ACBD3: variants seen among roughly 807,000 people sequenced by gnomAD.
ACBD3 encodes Golgi resident protein GCP60.
Under a neutral mutation model 66.9 loss-of-function variants are expected in ACBD3, and 30 were observed. The observed-to-expected ratio is 0.45, with a 90% CI of 0.34 to 0.61. The LOEUF (loss-of-function observed/expected upper bound fraction) is 0.61, where lower values mean the gene tolerates loss of function less well. Ranked by LOEUF, ACBD3 falls within the 20% of genes least tolerant of loss-of-function variation. The pLI is 0.02. For missense variants in ACBD3, 544 were observed against 664.5 expected, an observed-to-expected ratio of 0.82 and a Z score of 1.99; for synonymous variants, 278 against 259.8, an observed-to-expected ratio of 1.07 and a Z score of -0.68.
chr1:226,182,531 A>G (rs1386489596), intron 1 of ACBD3, among the ~76,000 whole-genome samples: 1 of 152,042 alleles, frequency 6.6e-6, no homozygotes, highest in African/African-American at 2.4e-5. Context: ...GGAGAATCAC[A>G]TGAACCCAGG....
rs369273466 is a variant in ACBD3, at chr1:226,164,924, T to A, written c.434A>T (p.Glu145Val). ...FDVLGNDRRR[E>V]WAALGNMSKE... ...AGACATGTTTCCCAGGGCTGCCCATTCTCTCCTGTAAGGAATAACAAGAAA... is the reference window on the plus strand; with the variant it reads ...AGACATGTTTCCCAGGGCTGCCCATACTCTCCTGTAAGGAATAACAAGAAA... The change falls in exon 3 of 8, where the codon GAA (glutamate) becomes GTA (valine). Residue 145 changes from glutamate (E) to valine (V), a missense_variant. Glu to Val is a moderately radical substitution (Grantham distance 121). Around this residue, in one of 3 missense-constraint regions of ACBD3, gnomAD observed 24 missense variants for 56.2 expected, o/e 0.43. Transcript: ENST00000366812. 3.8e-6 allele frequency: 6 copies of A among 1,582,054 alleles called. No individual in the cohort carries two copies. The African/African-American group carries it at 8.1e-5, about 21-fold the overall frequency.
intron 1 of ACBD3, among the ~76,000 whole-genome samples, chr1:226,179,708 A>C (rs1656127677): frequency 1.3e-5 from 2 of 152,036 alleles, no homozygotes; most frequent in African/African-American, 2.4e-5. Context: ...AAATACAAAA[A>C]TTAGCCGGGT....
chr1:226,184,845 C>A (rs1656256602), intron 1 of ACBD3, among the ~76,000 whole-genome samples: 1 of 149,192 alleles, frequency 6.7e-6, no homozygotes, highest in African/African-American at 2.5e-5. Context: ...GTCGCCCAGG[C>A]TGGAGTACAA....
Position 226,152,825 on chromosome 1 carries a change from G to A in ACBD3, c.1091-206C>T, listed in dbSNP as rs576596137. Among the ~76,000 whole-genome samples the A allele has an allele frequency of 2.6e-5, 4 of 152,260 alleles. No homozygotes were observed. In the South Asian group the frequency reaches 8.3e-4, roughly 32 times the overall value. On this transcript the variant is annotated intron_variant, in intron 6 of 7. Coordinates refer to ENST00000366812, the MANE Select transcript of ACBD3 (RefSeq NM_022735.4). Reference sequence around the variant, plus strand: ...TTTAACAATGTTGCAGGCACTCAGAGGTCATCGTACTTCTTCAAGTAACAA... The same window carrying A: ...TTTAACAATGTTGCAGGCACTCAGAAGTCATCGTACTTCTTCAAGTAACAA...
At chr1:226,149,007 G>C (rs1659510711) in intron 7 of ACBD3, among the ~76,000 whole-genome samples, 1 of 152,106 alleles carries the variant, frequency 6.6e-6, no homozygotes, top group Non-Finnish European at 1.5e-5. Context: ...GGACATATTA[G>C]AACTAAGATC....
In ACBD3 at chr1:226,144,956, G is replaced by C. The variant is rs954963987; in HGVS notation, c.*1654C>G. Reference sequence around the variant, plus strand: ...ATATATTAGTGCCTGCTTTTTAAAAGTTTATTTTACATTTTAAATACAGTA... The same window carrying C: ...ATATATTAGTGCCTGCTTTTTAAAACTTTATTTTACATTTTAAATACAGTA... On this transcript the variant is annotated 3_prime_UTR_variant, in exon 8 of 8. Coordinates refer to ENST00000366812, the MANE Select transcript of ACBD3 (RefSeq NM_022735.4). 1 of 152,168 alleles carries C rather than the reference G, an allele frequency of 6.6e-6. No homozygotes were observed. The highest frequency in any genetic ancestry group is 1.5e-5 in the Non-Finnish European group (1 of 67,962). 9.4% of individuals were successfully genotyped at this position (152,168 alleles called of 1,614,324 possible). A position where few individuals can be genotyped will look rare whatever the true frequency, so the allele number is the denominator to read the frequency against.
chr1:226,168,375 C>A lies in ACBD3; in HGVS notation c.287-2375G>T, dbSNP rs534790519. 2.0e-5 allele frequency among the ~76,000 whole-genome samples: 3 copies of A among 152,306 alleles called. No homozygotes were observed. In the East Asian group the frequency reaches 5.8e-4, roughly 29 times the overall value. Reference sequence around the variant, plus strand: ...AAATGTGTATGCCCTATGATCCAGTCATTCCAGTTCTCATTACATATGCTT... The same window carrying A: ...AAATGTGTATGCCCTATGATCCAGTAATTCCAGTTCTCATTACATATGCTT... On this transcript the variant is annotated intron_variant, in intron 1 of 7. Coordinates refer to ENST00000366812, the MANE Select transcript of ACBD3 (RefSeq NM_022735.4).
intron 3 of ACBD3, among the ~76,000 whole-genome samples, 194 bp from the exon 4 acceptor site, chr1:226,161,883 A>G (rs1480744261): frequency 6.6e-6 from 1 of 152,262 alleles, no homozygotes; most frequent in Non-Finnish European, 1.5e-5. Flanking sequence ...CACATCAAGA[A>G]TAATTATTGT....
chr1:226,151,754 T>A (rs1378925484), intron 7 of ACBD3, among the ~76,000 whole-genome samples: 1 of 152,178 alleles, frequency 6.6e-6, no homozygotes, highest in Non-Finnish European at 1.5e-5. Flanking sequence ...ACGCCTGTAA[T>A]CCCAGCACTT....
chr1:226,177,666 C>T (rs751365068), intron 1 of ACBD3, among the ~76,000 whole-genome samples: 1 of 151,998 alleles, frequency 6.6e-6, no homozygotes, highest in African/African-American at 2.4e-5. Flanking sequence ...AGAGTCTGAA[C>T]AGGTTGTCCG....
At chr1:226,183,198 T>TG (rs1158562067) in intron 1 of ACBD3, among the ~76,000 whole-genome samples, 1 of 152,154 alleles carries the variant, frequency 6.6e-6, no homozygotes, top group African/African-American at 2.4e-5. Flanking sequence ...TTTTTTGAGA[T>TG]GGAGTCTTGC....
intron 1 of ACBD3, 59 bp downstream of exon 1, chr1:226,186,331 C>T (rs933160512): frequency 1.1e-5 from 16 of 1,461,720 alleles, no homozygotes; most frequent in Non-Finnish European, 1.4e-5. Flanking sequence ...GGGACCACAG[C>T]CCACGCCGGG....
At chr1:226,152,005 T>A (rs1341689185) in intron 7 of ACBD3, among the ~76,000 whole-genome samples, 1 of 149,188 alleles carries the variant, frequency 6.7e-6, no homozygotes, top group East Asian at 2.0e-4. Flanking sequence ...AGACTCTGTC[T>A]CAAAAAAAAA....
intron 5 of ACBD3, among the ~76,000 whole-genome samples, chr1:226,155,561 T>C (rs965238824): frequency 3.3e-5 from 5 of 151,540 alleles, no homozygotes; most frequent in African/African-American, 1.2e-4. Context: ...ATTAGAAAAA[T>C]TAAACTTGGT....
At chr1:226,170,993 G>A (rs1659983559) in intron 1 of ACBD3, among the ~76,000 whole-genome samples, 1 of 152,020 alleles carries the variant, frequency 6.6e-6, no homozygotes, top group African/African-American at 2.4e-5. Context: ...TACCCAGGTT[G>A]GTCTCGAGCT....
intron 5 of ACBD3, 70 bp from the exon 6 acceptor site, chr1:226,154,903 A>G: frequency 7.5e-7 from 1 of 1,335,310 alleles, no homozygotes; most frequent in East Asian, 2.5e-5. Context: ...GCCCTGGAGT[A>G]CATCTGATAC....
chr1:226,152,019 A>AT (rs1444848581), intron 7 of ACBD3, among the ~76,000 whole-genome samples: 65 of 151,966 alleles, frequency 4.3e-4, no homozygotes, highest in South Asian at 1.0e-3. Context: ...AAAAAAAAAA[A>AT]TTTTTTTTGA....
intron 1 of ACBD3, among the ~76,000 whole-genome samples, chr1:226,167,522 A>G (rs565484379): frequency 1.3e-4 from 20 of 152,156 alleles, no homozygotes; most frequent in Non-Finnish European, 2.8e-4. Context: ...ATAAAGACTA[A>G]CTGCTACCAA....
rs80156329 is a variant in ACBD3 at position 226,170,918 on chromosome 1, T to C, written c.287-4918A>G. ...CCTCAGCCTCCTGAGTAGCTGGAACTACTGGTGAGTGCCACTATGCCCAGT... is the reference window on the plus strand; with the variant it reads ...CCTCAGCCTCCTGAGTAGCTGGAACCACTGGTGAGTGCCACTATGCCCAGT... On this transcript the variant is annotated intron_variant, in intron 1 of 7. Transcript: ENST00000366812. Among the ~76,000 whole-genome samples the C allele has an allele frequency of 0.013, 2,051 of 152,100 alleles. 114 individuals are homozygous for C. The East Asian group carries it at 0.19, about 14-fold the overall frequency.
Sources: allele counts gnomAD v4.1 joint callset (sites outside exome capture counted in the v4.1 genomes callset), GRCh38; gene constraint gnomAD v4.1.1; regional missense constraint gnomAD v4.1.1; transcripts MANE v1.5; gene names NCBI Gene and HGNC (gene_info 2026-07-23, HGNC 2026-07-21).